Variants in MSH3 observed in about 807,000 individuals in gnomAD.
The protein encoded by MSH3 is mutS homolog 3.
A neutral mutation model predicts 123.3 loss-of-function variants in MSH3; 106 were observed. That is an observed-to-expected ratio of 0.86 (90% CI 0.73 to 1.01). The LOEUF (loss-of-function observed/expected upper bound fraction) is 1.01, where lower values mean the gene tolerates loss of function less well. MSH3 is among the 50% of genes least tolerant of loss of function. The pLI, the probability that MSH3 is intolerant of heterozygous loss-of-function variation, is 0.00. For synonymous variants in MSH3, 515 were observed against 481.4 expected (o/e 1.07, Z -0.91); for missense variants, 1,459 against 1,347.6 (o/e 1.08, Z -1.29).
intron 8 of MSH3, among the ~76,000 whole-genome samples, chr5:80,706,033 C>T (rs1332217164): frequency 6.6e-6 from 1 of 152,126 alleles, no homozygotes; most frequent in Non-Finnish European, 1.5e-5. Context: ...GGTAGTTGCA[C>T]AGTAAAGATT....
rs528522363 is a variant in MSH3, at chr5:80,721,408, G to A, written c.1341-4045G>A. 9.5e-4 allele frequency among the ~76,000 whole-genome samples: 145 copies of A among 152,200 alleles called. 1 individual carries two copies. The highest frequency in any genetic ancestry group is 1.8e-3 in the Non-Finnish European group (124 of 68,014). The stretch of plus-strand genomic sequence containing the variant: ...CTCAAGCCCCTTCAGGCTTTACTGT[G>A]GACTCCTTGTAGTCACTATTATCAA... On this transcript the variant is annotated intron_variant, in intron 8 of 23. Transcript: ENST00000265081.
Position 80,809,752 on chromosome 5 carries a change from A to G in MSH3, c.2656-3832A>G, listed in dbSNP as rs182996658. 2.1e-3 allele frequency among the ~76,000 whole-genome samples: 317 copies of G among 152,060 alleles called. 3 individuals carry two copies. The highest frequency in any genetic ancestry group is 7.3e-3 in the African/African-American group (303 of 41,500). ...CACTTTCCATTTTGTACTTTTCTCT[A>G]TTGCTTTATTTGTATGTAATGTTCT... On this transcript the variant is annotated intron_variant, in intron 19 of 23. Transcript: ENST00000265081.
At chr5:80,783,928 T>C (rs1744452374) in intron 17 of MSH3, among the ~76,000 whole-genome samples, 1 of 152,018 alleles carries the variant, frequency 6.6e-6, no homozygotes, top group Non-Finnish European at 1.5e-5. Flanking sequence ...GTCAGAGCCA[T>C]GGCTGACGCA....
At chr5:80,814,814 A>T (rs1188678543) in intron 20 of MSH3, among the ~76,000 whole-genome samples, 1 of 152,212 alleles carries the variant, frequency 6.6e-6, no homozygotes, top group African/African-American at 2.4e-5. Flanking sequence ...CATGCAACTG[A>T]CTAAGTCTTA....
intron 18 of MSH3, among the ~76,000 whole-genome samples, chr5:80,791,387 A>G (rs1744603702): frequency 6.6e-6 from 1 of 152,254 alleles, no homozygotes; most frequent in African/African-American, 2.4e-5. Context: ...AGAATCAGAA[A>G]TAATCAGCTC....
At chr5:80,678,782 C>A in intron 7 of MSH3, 145 bp from the exon 8 acceptor site, 1 of 845,462 alleles carries the variant, frequency 1.2e-6, no homozygotes, top group Non-Finnish European at 1.9e-6. Context: ...TCCTGAAAAG[C>A]AGACAGGTTT....
chr5:80,731,116 C>T (rs1388853390), intron 10 of MSH3, among the ~76,000 whole-genome samples: 1 of 151,788 alleles, frequency 6.6e-6, no homozygotes, highest in Admixed American at 6.6e-5. Context: ...GTTGGCCAGG[C>T]TGGTCTTAAA....
At chr5:80,691,845 A>G (rs1750263486) in intron 8 of MSH3, among the ~76,000 whole-genome samples, 2 of 146,452 alleles carry the variant, frequency 1.4e-5, no homozygotes, top group Non-Finnish European at 3.0e-5. Context: ...ATAAACATGT[A>G]TATATTTATA....
intron 20 of MSH3, among the ~76,000 whole-genome samples, chr5:80,820,507 C>T (rs920014827): frequency 6.6e-5 from 10 of 151,616 alleles, no homozygotes; most frequent in African/African-American, 2.4e-4. Context: ...ACCTTTTATC[C>T]CCTATTCCTA....
chr5:80,787,078 C>T (rs1299459912), intron 17 of MSH3, among the ~76,000 whole-genome samples: 5 of 56,534 alleles, frequency 8.8e-5, no homozygotes, highest in Non-Finnish European at 1.4e-4. Flanking sequence ...GTTAGGTCTA[C>T]AATGGGGTTA....
At chr5:80,706,216 T>A (rs1750720422) in intron 8 of MSH3, among the ~76,000 whole-genome samples, 1 of 152,190 alleles carries the variant, frequency 6.6e-6, no homozygotes, top group African/African-American at 2.4e-5. Context: ...GAGAAAAATG[T>A]TAGTTTAGAA....
At chr5:80,810,890 T>C (rs1744997758) in intron 19 of MSH3, among the ~76,000 whole-genome samples, 1 of 152,144 alleles carries the variant, frequency 6.6e-6, no homozygotes. Flanking sequence ...TTATTTTGAA[T>C]TACAGGTTGG....
chr5:80,755,023 G>A (rs1443114068), intron 12 of MSH3, among the ~76,000 whole-genome samples: 2 of 152,158 alleles, frequency 1.3e-5, no homozygotes, highest in African/African-American at 2.4e-5. Context: ...GCAACCGGGT[G>A]TTCACTTGCA....
Position 80,740,916 on chromosome 5 carries a change from G to A in MSH3, c.1569-548G>A, listed in dbSNP as rs565615416. Among the ~76,000 whole-genome samples, 253 of 151,704 alleles carry A rather than the reference G, an allele frequency of 1.7e-3. 2 individuals are homozygous for A. The highest frequency in any genetic ancestry group is 5.7e-3 in the African/African-American group (237 of 41,348). ...TTTTTAGTAGAGACGAGGTTTTGCC[G>A]TGTTGGCCAGGCTGGTTTCGAACTC... On this transcript the variant is annotated intron_variant, in intron 10 of 23. Coordinates refer to ENST00000265081, the MANE Select transcript of MSH3 (RefSeq NM_002439.5).
chr5:80,676,435 A>G (rs1749840145), intron 7 of MSH3, among the ~76,000 whole-genome samples: 1 of 152,226 alleles, frequency 6.6e-6, no homozygotes, highest in East Asian at 1.9e-4. Flanking sequence ...GGCCCTTCAG[A>G]ACAATCAGAC....
intron 23 of MSH3, among the ~76,000 whole-genome samples, chr5:80,874,588 A>G (rs182722983): frequency 1.2e-3 from 179 of 152,332 alleles, no homozygotes; most frequent in African/African-American, 4.2e-3. Flanking sequence ...TTGCCATATT[A>G]TTATTGTTCT....
intron 20 of MSH3, among the ~76,000 whole-genome samples, chr5:80,829,820 T>G (rs1745388512): frequency 6.6e-6 from 1 of 152,226 alleles, no homozygotes; most frequent in Non-Finnish European, 1.5e-5. Context: ...AATTTCTTCC[T>G]TAAATGTTTG....
chr5:80,873,287 G>T lies in MSH3; in HGVS notation c.3302G>T (p.Arg1101Ile). The change falls in exon 23 of 24, where the codon AGA (arginine) becomes ATA (isoleucine). Residue 1101 changes from arginine to isoleucine, a missense_variant and splice_region_variant. Arg to Ile is a moderately conservative substitution (Grantham distance 97, BLOSUM62 -3). Transcript: ENST00000265081. Reference protein sequence around the residue: ...KELEGLINTKRKRLKYFAKLW... With the variant: ...KELEGLINTKIKRLKYFAKLW... ...CTGGAAGGATTAATAAATACGAAAA[G>T]GTCAGAGTGATTATGCTGCATTTTT... is the stretch of plus-strand genomic sequence containing the variant. 1 of 1,613,738 alleles carries T rather than the reference G, an allele frequency of 6.2e-7. No homozygotes were observed. The highest frequency in any genetic ancestry group is 8.5e-7 in the Non-Finnish European group (1 of 1,179,834).
At chr5:80,805,025 ATGTT>A (rs1744862641) in intron 19 of MSH3, among the ~76,000 whole-genome samples, 1 of 152,218 alleles carries the variant, frequency 6.6e-6, no homozygotes, top group Admixed American at 6.5e-5. Context: ...TTACCTTGTA[ATGTT>A]TGTTTTCTGA....
Sources: gnomAD v4.1 joint callset for allele counts (sites outside exome capture counted in the v4.1 genomes callset) on GRCh38, gnomAD v4.1.1 for gene constraint, MANE v1.5 for transcripts, NCBI Gene and HGNC (gene_info 2026-07-23, HGNC 2026-07-21) for gene names.